CACNB4: variants seen among roughly 807,000 people sequenced by gnomAD.
CACNB4 encodes calcium voltage-gated channel auxiliary subunit beta 4.
A neutral mutation model predicts 71.2 loss-of-function variants in CACNB4; 32 were observed. The observed-to-expected ratio is 0.45, with a 90% confidence interval of 0.34 to 0.60. The LOEUF (loss-of-function observed/expected upper bound fraction) is 0.60, where lower values mean the gene tolerates loss of function less well. CACNB4 is among the 20% of genes least tolerant of loss of function. The pLI, the probability that CACNB4 is intolerant of heterozygous loss-of-function variation, is 0.01. For missense variants in CACNB4, 464 were observed against 647.9 expected (o/e 0.72, Z 3.08); for synonymous variants, 231 against 236.9 (o/e 0.97, Z 0.23).
intron 2 of CACNB4, among the ~76,000 whole-genome samples, chr2:152,046,795 G>T (rs189349634): frequency 1.8e-4 from 28 of 152,248 alleles, no homozygotes; most frequent in Admixed American, 1.8e-3. Context: ...TCATCACAGG[G>T]TTATCATCAC....
At chr2:151,926,676 G>T (rs952646882) in intron 2 of CACNB4, among the ~76,000 whole-genome samples, 1 of 152,102 alleles carries the variant, frequency 6.6e-6, no homozygotes, top group Non-Finnish European at 1.5e-5. Flanking sequence ...AGAAATTGTG[G>T]ATATTTTCAT....
intron 8 of CACNB4, chr2:151,870,182 T>C (rs1179078884): frequency 1.5e-6 from 1 of 672,506 alleles, no homozygotes; most frequent in East Asian, 2.7e-5. Flanking sequence ...TGTCCTCTTG[T>C]GCTGTTCATT....
At chr2:152,082,479 C>G (rs143976944) in intron 2 of CACNB4, among the ~76,000 whole-genome samples, 1 of 152,132 alleles carries the variant, frequency 6.6e-6, no homozygotes, top group Non-Finnish European at 1.5e-5. Context: ...GCTTGAGTCC[C>G]GCAGTCAGCC....
intron 12 of CACNB4, chr2:151,852,355 C>T (rs1332563093): frequency 3.9e-5 from 6 of 152,108 alleles, no homozygotes; most frequent in Admixed American, 3.9e-4. Context: ...TTCACTCATT[C>T]CACAAATATA....
At chr2:151,873,898 G>A (rs755892221) in intron 5 of CACNB4, 2 of 152,188 alleles carry the variant, frequency 1.3e-5, no homozygotes, top group African/African-American at 2.4e-5. Flanking sequence ...TGGACCACGG[G>A]GGCAGTCCCT....
At chr2:151,894,434 T>C (rs1034462248) in intron 2 of CACNB4, among the ~76,000 whole-genome samples, 10 of 152,132 alleles carry the variant, frequency 6.6e-5, no homozygotes, top group African/African-American at 2.2e-4. Context: ...AAGGAACATA[T>C]ATCAATGTAA....
chr2:152,047,856 G>GCCACT (rs1359173566), intron 2 of CACNB4, among the ~76,000 whole-genome samples: 1 of 152,180 alleles, frequency 6.6e-6, no homozygotes, highest in Non-Finnish European at 1.5e-5. Flanking sequence ...CTGAGATTGA[G>GCCACT]CCACTCCACT....
chr2:151,921,415 T>G (rs1333354355), intron 2 of CACNB4, among the ~76,000 whole-genome samples: 1 of 152,174 alleles, frequency 6.6e-6, no homozygotes, highest in Non-Finnish European at 1.5e-5. Context: ...AGTTTATTAC[T>G]TACCTATTGC....
intron 2 of CACNB4, among the ~76,000 whole-genome samples, chr2:151,946,066 C>G (rs939123050): frequency 1.3e-5 from 2 of 152,012 alleles, no homozygotes; most frequent in African/African-American, 4.8e-5. Flanking sequence ...CGGTGGCTCA[C>G]GGCTGTAATC....
intron 2 of CACNB4, among the ~76,000 whole-genome samples, chr2:151,992,850 C>A (rs1347848160): frequency 6.6e-6 from 1 of 152,216 alleles, no homozygotes; most frequent in African/African-American, 2.4e-5. Flanking sequence ...TCTTACTCCT[C>A]CAAAGTCAAG....
chr2:151,968,287 G>A (rs752838082), intron 2 of CACNB4: 30 of 152,132 alleles, frequency 2.0e-4, no homozygotes, highest in African/African-American at 7.0e-4. Flanking sequence ...TTTCACAGCC[G>A]CCAGAGCCTG....
intron 2 of CACNB4, among the ~76,000 whole-genome samples, chr2:152,041,960 A>G (rs1273481576): frequency 1.3e-5 from 2 of 152,236 alleles, no homozygotes; most frequent in African/African-American, 4.8e-5. Flanking sequence ...AATAATGCCC[A>G]GCACATAGGA....
intron 2 of CACNB4, among the ~76,000 whole-genome samples, chr2:151,957,720 C>A (rs2099868698): frequency 6.6e-6 from 1 of 152,158 alleles, no homozygotes; most frequent in South Asian, 2.1e-4. Context: ...GAATCAAAGT[C>A]TCCTAAGAGG....
At chr2:151,878,500 T>C (rs1301473759) in intron 4 of CACNB4, among the ~76,000 whole-genome samples, 2 of 149,624 alleles carry the variant, frequency 1.3e-5, no homozygotes, top group African/African-American at 2.5e-5. Flanking sequence ...AGAGGATCAG[T>C]TGAGGCCAGG....
At chr2:151,856,462 C>T (rs1349700692) in intron 10 of CACNB4, among the ~76,000 whole-genome samples, 2 of 152,010 alleles carry the variant, frequency 1.3e-5, no homozygotes, top group African/African-American at 4.8e-5. Context: ...CGCCACCATG[C>T]CTGGCTAACT....
intron 12 of CACNB4, among the ~76,000 whole-genome samples, chr2:151,846,391 C>T (rs1008594595): frequency 2.6e-5 from 4 of 152,096 alleles, no homozygotes; most frequent in Non-Finnish European, 4.4e-5. Flanking sequence ...CTATAAAATA[C>T]ATATTTTCTA....
At chr2:151,992,069 G>C (rs927187675) in intron 2 of CACNB4, among the ~76,000 whole-genome samples, 2 of 152,042 alleles carry the variant, frequency 1.3e-5, no homozygotes, top group Non-Finnish European at 2.9e-5. Flanking sequence ...CTTAATCCTC[G>C]ACCCCCCTTC....
In CACNB4 at chr2:151,999,110, G is replaced by C. The variant is rs528822118; in HGVS notation, c.147+99220C>G. ...TTGGCATAAGGAATCAGTAGGAACA[G>C]GGTGTCTTTTAATTAATTATCCAGA... On this transcript the variant is annotated intron_variant, in intron 2 of 13. Coordinates refer to ENST00000539935, the MANE Select transcript of CACNB4 (RefSeq NM_000726.5). Among the ~76,000 whole-genome samples, 6 of 152,280 alleles carry C rather than the reference G, an allele frequency of 3.9e-5. No homozygotes were observed. In the South Asian group the frequency reaches 1.2e-3, roughly 32 times the overall value.
At chr2:151,966,946 A>G (rs2099871276) in intron 2 of CACNB4, 1 of 152,134 alleles carries the variant, frequency 6.6e-6, no homozygotes, top group South Asian at 2.1e-4. Flanking sequence ...TGAGGAAACC[A>G]AGGCACAGAA....
Sources: allele counts gnomAD v4.1 joint callset (sites outside exome capture counted in the v4.1 genomes callset), GRCh38; gene constraint gnomAD v4.1.1; transcripts MANE v1.5; gene names NCBI Gene and HGNC (gene_info 2026-07-23, HGNC 2026-07-21).